The following RBFOX1 variants were observed in gnomAD, a reference collection of about 807,000 sequenced individuals.
The protein encoded by RBFOX1 is RNA binding fox-1 homolog 1.
In RBFOX1, 8 loss-of-function variants were observed where a neutral mutation model predicts 57.7. The ratio of observed to expected loss-of-function variants is 0.14; its 90% CI spans 0.08 to 0.25. RBFOX1 has a LOEUF of 0.25. Ranked by LOEUF, RBFOX1 falls within the 10% of genes least tolerant of loss-of-function variation. The pLI is 1.00. For synonymous variants in RBFOX1, 326 were observed against 222.4 expected (o/e 1.47, Z -4.15); for missense variants, 611 against 548.5 (o/e 1.11, Z -1.14).
At chr16:5,438,981 C>T (rs2068000325) in intron 1 of RBFOX1, among the ~76,000 whole-genome samples, 1 of 148,108 alleles carries the variant, frequency 6.8e-6, no homozygotes, top group African/African-American at 2.5e-5. Flanking sequence ...AATCATGTGA[C>T]CACTTATACT....
In RBFOX1 at chr16:5,943,144, A is replaced by G. The variant is rs1275303018; in HGVS notation, c.351+75809A>G. On this transcript the variant is annotated intron_variant, in intron 4 of 19. Coordinates refer to the RBFOX1 transcript ENST00000641259. The stretch of plus-strand genomic sequence containing the variant: ...GCACCCAGACACACATCCCTAACAC[A>G]GCAGATCAGCACCTCCATATGCCCA... Among the ~76,000 whole-genome samples the G allele has an allele frequency of 7.9e-5, 12 of 152,264 alleles. No individual in the cohort carries two copies. The East Asian group carries it at 2.1e-3, about 27-fold the overall frequency.
intron 4 of RBFOX1, among the ~76,000 whole-genome samples, chr16:7,054,540 C>CTGTG (rs2051393070): frequency 2.1e-5 from 1 of 48,416 alleles, no homozygotes; most frequent in East Asian, 1.3e-3. Flanking sequence ...TGCGCCAAAC[C>CTGTG]TGGGTGGGGG....
intron 1 of RBFOX1, among the ~76,000 whole-genome samples, chr16:6,200,899 G>A (rs893016674): frequency 6.6e-6 from 1 of 151,652 alleles, no homozygotes; most frequent in African/African-American, 2.4e-5. Flanking sequence ...GTATTTTTAT[G>A]CAGCTCATTT....
chr16:7,396,759 A>G (rs1026727887), intron 4 of RBFOX1, among the ~76,000 whole-genome samples: 4 of 152,022 alleles, frequency 2.6e-5, no homozygotes, highest in African/African-American at 9.7e-5. Context: ...TGCCAACACT[A>G]TGAAACTGCA....
At chr16:5,799,226 A>C (rs57429015) in intron 3 of RBFOX1, among the ~76,000 whole-genome samples, 1 of 152,064 alleles carries the variant, frequency 6.6e-6, no homozygotes, top group Admixed American at 6.6e-5. Flanking sequence ...ATTCATTACC[A>C]TAAGTACAGT....
chr16:7,462,790 C>T (rs1767436548), intron 4 of RBFOX1, among the ~76,000 whole-genome samples: 3 of 152,208 alleles, frequency 2.0e-5, no homozygotes, highest in African/African-American at 7.2e-5. Context: ...TATTCCTTCT[C>T]CTGCTGTCCA....
chr16:7,680,634 C>T (rs191465130), intron 14 of RBFOX1, among the ~76,000 whole-genome samples: 252 of 152,206 alleles, frequency 1.7e-3, no homozygotes, highest in Middle Eastern at 3.4e-3. Context: ...ACATTAATTG[C>T]GGCACCAGGC....
intron 2 of RBFOX1, among the ~76,000 whole-genome samples, chr16:6,508,569 C>A (rs2096172869): frequency 6.6e-6 from 1 of 152,090 alleles, no homozygotes; most frequent in Non-Finnish European, 1.5e-5. Flanking sequence ...TCTATAAGGT[C>A]CCGTAACATC....
chr16:7,319,223 G>A (rs1219998439), intron 4 of RBFOX1, among the ~76,000 whole-genome samples: 1 of 152,096 alleles, frequency 6.6e-6, no homozygotes, highest in African/African-American at 2.4e-5. Flanking sequence ...AAAACAAATG[G>A]CCACCCTGGA....
intron 2 of RBFOX1, among the ~76,000 whole-genome samples, chr16:6,470,505 A>C (rs142275796): frequency 1.4e-3 from 217 of 152,282 alleles, no homozygotes; most frequent in Middle Eastern, 6.8e-3. Context: ...CAGTCTTTCT[A>C]TTCTTCCAAG....
At chr16:6,372,016 C>T (rs2090496583) in intron 2 of RBFOX1, among the ~76,000 whole-genome samples, 2 of 152,268 alleles carry the variant, frequency 1.3e-5, no homozygotes, top group South Asian at 2.1e-4. Flanking sequence ...AATATTAATT[C>T]ATAGGATTGT....
chr16:7,401,941 A>G (rs2148818216), intron 4 of RBFOX1, among the ~76,000 whole-genome samples: 1 of 152,340 alleles, frequency 6.6e-6, no homozygotes, highest in Non-Finnish European at 1.5e-5. Context: ...AATCTCCAAA[A>G]GAGGAATGTC....
chr16:6,018,830 C>CTACCA (rs2095017704), upstream of RBFOX1, among the ~76,000 whole-genome samples: 1 of 152,018 alleles, frequency 6.6e-6, no homozygotes, highest in South Asian at 2.1e-4. Flanking sequence ...AGGACGAGGA[C>CTACCA]GGGCGCAGGT....
chr16:7,699,206 G>C (rs567945397), intron 14 of RBFOX1, among the ~76,000 whole-genome samples: 3 of 152,266 alleles, frequency 2.0e-5, no homozygotes, highest in African/African-American at 7.2e-5. Flanking sequence ...TTTTCTCTTT[G>C]AGATAGGGTC....
chr16:6,490,156 T>C (rs962063345), intron 2 of RBFOX1, among the ~76,000 whole-genome samples: 12 of 152,342 alleles, frequency 7.9e-5, no homozygotes, highest in African/African-American at 2.6e-4. Flanking sequence ...GTTGGGTTTT[T>C]AGTGAATAGC....
At chr16:7,101,043 C>A (rs575581231) in intron 4 of RBFOX1, among the ~76,000 whole-genome samples, 1 of 152,156 alleles carries the variant, frequency 6.6e-6, no homozygotes, top group East Asian at 1.9e-4. Flanking sequence ...ACAAAGTTAC[C>A]TATATACACT....
intron 2 of RBFOX1, among the ~76,000 whole-genome samples, chr16:5,580,898 C>T (rs547139862): frequency 3.9e-5 from 6 of 152,166 alleles, no homozygotes; most frequent in African/African-American, 1.2e-4. Context: ...CCACGCTGGT[C>T]CTTCCCAGTC....
At chr16:7,379,913 C>A (rs763142138) in intron 4 of RBFOX1, among the ~76,000 whole-genome samples, 2 of 152,094 alleles carry the variant, frequency 1.3e-5, no homozygotes, top group South Asian at 4.2e-4. Flanking sequence ...GGTGCAATGG[C>A]ACCATCATAT....
At chr16:5,571,965 A>G (rs2046299003) in intron 2 of RBFOX1, among the ~76,000 whole-genome samples, 1 of 152,096 alleles carries the variant, frequency 6.6e-6, no homozygotes, top group African/African-American at 2.4e-5. Context: ...AAGATAATGG[A>G]CCTTTTCTTA....
Sources: gnomAD v4.1 joint callset for allele counts (sites outside exome capture counted in the v4.1 genomes callset) on GRCh38, gnomAD v4.1.1 for gene constraint, MANE v1.5 for transcripts, NCBI Gene and HGNC (gene_info 2026-07-23, HGNC 2026-07-21) for gene names.